ITGA8: variants seen among roughly 807,000 people sequenced by gnomAD.
ITGA8 encodes integrin subunit alpha 8.
In ITGA8, 91 loss-of-function variants were observed where a neutral mutation model predicts 142.3. That is an observed-to-expected ratio of 0.64 (90% CI 0.54 to 0.76). The LOEUF (loss-of-function observed/expected upper bound fraction) is 0.76. Among genes scored for constraint, ITGA8 ranks in the 30% least tolerant of loss-of-function variants. The pLI is 0.00. For synonymous variants in ITGA8, 505 were observed against 485.2 expected (o/e 1.04, Z -0.54); for missense variants, 1,406 against 1,327.7 (o/e 1.06, Z -0.92).
Position 15,555,992 on chromosome 10 carries a change from G to A in ITGA8, c.2766+2082C>T, listed in dbSNP as rs541645761. ...CTTTCTTATTACTCATTTGCCCTGC[G>A]GTCTTCTGCCAGGGTCTCTCTCTCT... On this transcript the variant is annotated intron_variant, in intron 26 of 29. Transcript: ENST00000378076. Among the ~76,000 whole-genome samples the A allele has an allele frequency of 2.0e-3, 282 of 138,654 alleles. 1 individual carries two copies. The highest frequency in any genetic ancestry group is 6.5e-3 in the African/African-American group (243 of 37,484). 91.0% of individuals were successfully genotyped at this position (138,654 alleles called of 152,430 possible).
chr10:15,543,344 T>C (rs58475113), intron 27 of ITGA8, among the ~76,000 whole-genome samples: 8,396 of 152,266 alleles, frequency 0.055, 740 homozygotes, highest in African/African-American at 0.19. Context: ...ACTTTGCTAA[T>C]AGGCAGTTTT....
At position 15,558,281 on chromosome 10, in the gene ITGA8, C is replaced by A; in HGVS notation, c.2638-79G>T. On this transcript the variant is annotated intron_variant, in intron 25 of 29. Coordinates refer to ENST00000378076, the MANE Select transcript of ITGA8 (RefSeq NM_003638.3). ...ATTTTCTTTAGCCTTGAACTCTAGG[C>A]AATTTTTTTTTCTCAGTGGAATATG... is the stretch of plus-strand genomic sequence containing the variant. 15 of 1,540,734 alleles carry A rather than the reference C, an allele frequency of 9.7e-6. 1 individual carries two copies. Among genetic ancestry groups the A allele is most frequent in the Non-Finnish European group, 1.3e-5 (15 of 1,137,092 alleles).
At chr10:15,621,986 C>T (rs887611466) in intron 13 of ITGA8, among the ~76,000 whole-genome samples, 35 of 152,138 alleles carry the variant, frequency 2.3e-4, no homozygotes, top group African/African-American at 7.2e-4. Context: ...GGTGAAAACC[C>T]GTCTCTACTG....
At position 15,685,298 on chromosome 10, in the gene ITGA8, C is replaced by T. The variant is rs138980926; in HGVS notation, c.445-1171G>A. ...CATAAATGCCCTCTCCATTCTAAGG[C>T]GGCAAATAACCAAAGGGTTAGAAAC... is the stretch of plus-strand genomic sequence containing the variant. On this transcript the variant is annotated intron_variant, in intron 3 of 29. Coordinates refer to ENST00000378076, the MANE Select transcript of ITGA8 (RefSeq NM_003638.3). 2.6e-3 allele frequency among the ~76,000 whole-genome samples: 390 copies of T among 152,280 alleles called. 2 individuals carry two copies. Among genetic ancestry groups the T allele is most frequent in the African/African-American group, 8.8e-3 (366 of 41,562 alleles).
intron 27 of ITGA8, among the ~76,000 whole-genome samples, chr10:15,546,783 A>G (rs1833679414): frequency 6.7e-6 from 1 of 149,498 alleles, no homozygotes; most frequent in South Asian, 2.1e-4. Flanking sequence ...GACACAGAAA[A>G]AGCAATGAAA....
chr10:15,535,532 T>G (rs989038707), intron 27 of ITGA8, among the ~76,000 whole-genome samples: 2 of 152,126 alleles, frequency 1.3e-5, no homozygotes, highest in South Asian at 2.1e-4. Flanking sequence ...GGTTTGTGAA[T>G]GCACCAATCC....
chr10:15,717,682 T>C (rs972131665), intron 2 of ITGA8, among the ~76,000 whole-genome samples: 5 of 152,230 alleles, frequency 3.3e-5, no homozygotes, highest in Non-Finnish European at 7.3e-5. Context: ...ACTTTCCTAA[T>C]TTGGTCATAA....
At chr10:15,664,004 T>C (rs1182489574) in intron 8 of ITGA8, among the ~76,000 whole-genome samples, 1 of 152,238 alleles carries the variant, frequency 6.6e-6, no homozygotes, top group Non-Finnish European at 1.5e-5. Context: ...TATCTTTGGT[T>C]CCTAATTCAG....
At chr10:15,566,281 C>CA (rs146808072) in intron 25 of ITGA8, among the ~76,000 whole-genome samples, 1,727 of 152,276 alleles carry the variant, frequency 0.011, 40 homozygotes, top group African/African-American at 0.039. Flanking sequence ...GCAGTTTTTA[C>CA]AAACAGCATC....
At chr10:15,667,875 T>A (rs1482025777) in intron 8 of ITGA8, among the ~76,000 whole-genome samples, 1 of 152,200 alleles carries the variant, frequency 6.6e-6, no homozygotes, top group Non-Finnish European at 1.5e-5. Context: ...TGCACTGTGG[T>A]CTGAGAGACA....
chr10:15,626,570 G>T (rs1018907254), intron 13 of ITGA8, among the ~76,000 whole-genome samples: 4 of 152,110 alleles, frequency 2.6e-5, no homozygotes, highest in Non-Finnish European at 4.4e-5. Flanking sequence ...CCCAGTTCTT[G>T]TGTATATCTG....
chr10:15,603,368 T>C (rs1362861464), intron 20 of ITGA8, among the ~76,000 whole-genome samples: 2 of 152,178 alleles, frequency 1.3e-5, no homozygotes, highest in Non-Finnish European at 2.9e-5. Flanking sequence ...ATTTAATACA[T>C]TTAAGCTAAA....
chr10:15,519,356 C>G lies in ITGA8; in HGVS notation c.3039G>C (p.Trp1013Cys). 6.2e-7 allele frequency: 1 copy of G among 1,613,456 alleles called. No individual in the cohort carries two copies. The highest frequency in any genetic ancestry group is 1.1e-5 in the South Asian group (1 of 91,050). ...CAAGAAGTATTGCTAGTATTATTAC[C>G]CATAATGGGATTGAGAAGGAAACAT... ...TPNVSFSIPL[W>C]VIILAILLGL... The change falls in exon 29 of 30, where the codon TGG becomes TGC. Residue 1013 changes from tryptophan (W) to cysteine (C), a missense_variant. Physicochemically the swap from Trp to Cys is radical, Grantham distance 215. Coordinates refer to ENST00000378076, the MANE Select transcript of ITGA8 (RefSeq NM_003638.3).
At chr10:15,683,894 TCCTTG>T in intron 4 of ITGA8, 105 bp downstream of exon 4, 1 of 1,340,510 alleles carries the variant, frequency 7.5e-7, no homozygotes, top group Non-Finnish European at 1.0e-6. Context: ...CGAAGCTTTT[TCCTTG>T]CAACCCTGTA....
chr10:15,635,580 C>A (rs974367768), intron 13 of ITGA8, among the ~76,000 whole-genome samples: 12 of 152,106 alleles, frequency 7.9e-5, no homozygotes, highest in Non-Finnish European at 1.3e-4. Flanking sequence ...GACAACACTC[C>A]TCAATTGAAG....
At chr10:15,659,397 T>C (rs1348272503) in intron 9 of ITGA8, among the ~76,000 whole-genome samples, 2 of 152,242 alleles carry the variant, frequency 1.3e-5, no homozygotes, top group African/African-American at 4.8e-5. Flanking sequence ...GTTCTTATTC[T>C]ATGATAAATT....
At chr10:15,560,458 G>A (rs116281170) in intron 25 of ITGA8, among the ~76,000 whole-genome samples, 1,938 of 152,118 alleles carry the variant, frequency 0.013, 37 homozygotes, top group African/African-American at 0.044. Context: ...AATTCCCTAC[G>A]GCTGAGAGAC....
At chr10:15,698,691 T>C (rs899962781) in intron 2 of ITGA8, among the ~76,000 whole-genome samples, 1 of 152,230 alleles carries the variant, frequency 6.6e-6, no homozygotes, top group Non-Finnish European at 1.5e-5. Context: ...CCTATGCTTC[T>C]TGGCCATTTG....
chr10:15,647,672 C>A (rs1421762732), intron 11 of ITGA8, among the ~76,000 whole-genome samples: 5 of 151,492 alleles, frequency 3.3e-5, no homozygotes, highest in African/African-American at 1.2e-4. Context: ...CCTTGTTAGC[C>A]AGGATGGTCT....
Sources: gnomAD v4.1 joint callset for allele counts (sites outside exome capture counted in the v4.1 genomes callset) on GRCh38, gnomAD v4.1.1 for gene constraint, MANE v1.5 for transcripts, NCBI Gene and HGNC (gene_info 2026-07-23, HGNC 2026-07-21) for gene names.